Variants in NFIL3 observed in about 807,000 individuals in gnomAD.
NFIL3 encodes the protein nuclear factor, interleukin 3 regulated.
NFIL3 carries 5 observed loss-of-function variants against 10.0 expected under a neutral mutation model. The observed-to-expected ratio is 0.50, with a 90% CI of 0.26 to 1.06. NFIL3 has a LOEUF of 1.06. NFIL3 is among the 50% of genes least tolerant of loss of function. The probability of loss-of-function intolerance (pLI) is 0.13; values close to 1 mark genes in which losing one functional copy is unlikely to be tolerated. For synonymous variants in NFIL3, 202 were observed against 206.5 expected (o/e 0.98, Z 0.19); for missense variants, 436 against 547.6 (o/e 0.80, Z 2.03).
At chr9:91,467,951 G>A in the NFIL3 span, among the ~76,000 whole-genome samples, 1 of 152,098 alleles carries the variant, frequency 6.6e-6, no homozygotes, top group Non-Finnish European at 1.5e-5. Context: ...GGACATTTGG[G>A]TTGGTTCCAA....
the NFIL3 span, among the ~76,000 whole-genome samples, chr9:91,448,880 A>T: frequency 1.3e-5 from 2 of 152,134 alleles, no homozygotes. Flanking sequence ...ATGTCTTTCC[A>T]TTAATTTTGG....
rs372557239 is a variant in NFIL3, at chr9:91,409,343, A to T, written c.*3T>A. On this transcript the variant is annotated 3_prime_UTR_variant, in exon 2 of 2. Transcript: ENST00000297689. The stretch of plus-strand genomic sequence containing the variant: ...AAATGCCCAGCTCTTACTCAGTAGT[A>T]ATTTACCCAGAGTCTGAAGCAGAGA... The T allele has an allele frequency of 1.3e-6, 2 of 1,551,364 alleles. No individual in the cohort carries two copies. Among genetic ancestry groups the T allele is most frequent in the African/African-American group, 2.8e-5 (2 of 72,496 alleles).
intron 1 of NFIL3, among the ~76,000 whole-genome samples, chr9:91,421,321 C>G (rs913950752): frequency 4.0e-5 from 6 of 151,846 alleles, no homozygotes; most frequent in African/African-American, 1.4e-4. Flanking sequence ...CGGCCGGTCC[C>G]TAGCGCCCGG....
At chr9:91,452,270 A>G in the NFIL3 span, among the ~76,000 whole-genome samples, 1 of 152,230 alleles carries the variant, frequency 6.6e-6, no homozygotes, top group Non-Finnish European at 1.5e-5. Flanking sequence ...TTTAGTCTCC[A>G]CAACACCTGT....
intron 1 of NFIL3, among the ~76,000 whole-genome samples, chr9:91,414,742 A>G (rs181224007): frequency 7.2e-5 from 11 of 152,336 alleles, no homozygotes; most frequent in Non-Finnish European, 1.5e-4. Flanking sequence ...CAGTGTTGAA[A>G]AGAGTTTATC....
At chr9:91,420,388 CACAG>C (rs1833740417) in intron 1 of NFIL3, among the ~76,000 whole-genome samples, 1 of 148,174 alleles carries the variant, frequency 6.7e-6, no homozygotes, top group Non-Finnish European at 1.5e-5. Flanking sequence ...CACACACACA[CACAG>C]ATTCTGGTTC....
At chr9:91,483,045 C>T in the NFIL3 span, among the ~76,000 whole-genome samples, 2 of 152,306 alleles carry the variant, frequency 1.3e-5, no homozygotes, top group South Asian at 2.1e-4. Flanking sequence ...ACTTCCAGTT[C>T]CTGGTCTCTT....
At chr9:91,452,711 C>T in the NFIL3 span, among the ~76,000 whole-genome samples, 8 of 142,722 alleles carry the variant, frequency 5.6e-5, no homozygotes, top group East Asian at 2.2e-4. Flanking sequence ...CACTTGAACT[C>T]GGGAGGCGGA....
the NFIL3 span, among the ~76,000 whole-genome samples, chr9:91,432,543 G>A: frequency 6.6e-6 from 1 of 152,220 alleles, no homozygotes; most frequent in African/African-American, 2.4e-5. Flanking sequence ...CTCACGAAAA[G>A]TAGCAGAGAA....
chr9:91,457,748 T>C, the NFIL3 span, among the ~76,000 whole-genome samples: 2 of 152,216 alleles, frequency 1.3e-5, no homozygotes, highest in South Asian at 4.1e-4. Flanking sequence ...GAAATCTTTG[T>C]GTTGTTAATT....
the NFIL3 span, among the ~76,000 whole-genome samples, chr9:91,474,465 G>A: frequency 6.6e-6 from 1 of 152,248 alleles, no homozygotes; most frequent in East Asian, 1.9e-4. Flanking sequence ...TTCTGTTCCA[G>A]TATGTGGTGA....
At chr9:91,427,625 G>A (rs760372526), upstream of NFIL3, among the ~76,000 whole-genome samples, 5 of 106,572 alleles carry the variant, frequency 4.7e-5, no homozygotes, top group Admixed American at 4.8e-4. Flanking sequence ...CGTTTTTGTT[G>A]TTGTTGTTGT....
chr9:91,429,785 G>C, the NFIL3 span, among the ~76,000 whole-genome samples: 2 of 152,038 alleles, frequency 1.3e-5, no homozygotes, highest in African/African-American at 2.4e-5. Context: ...ATACTGGCAG[G>C]ATGATAAAAG....
chr9:91,457,187 C>T, the NFIL3 span, among the ~76,000 whole-genome samples: 2 of 151,528 alleles, frequency 1.3e-5, no homozygotes, highest in Non-Finnish European at 3.0e-5. Context: ...TTTAAAAGTT[C>T]TCTTGGTGTT....
At chr9:91,454,690 CT>C in the NFIL3 span, among the ~76,000 whole-genome samples, 1 of 151,886 alleles carries the variant, frequency 6.6e-6, no homozygotes, top group South Asian at 2.1e-4. Flanking sequence ...AAATTAGCAG[CT>C]TGTGGTGGCA....
the NFIL3 span, among the ~76,000 whole-genome samples, chr9:91,473,339 C>CGTT: frequency 6.6e-5 from 10 of 152,212 alleles, no homozygotes; most frequent in African/African-American, 2.4e-4. Context: ...AGGCAGTCCT[C>CGTT]GTTGAGCTGT....
At chr9:91,464,464 T>C in the NFIL3 span, among the ~76,000 whole-genome samples, 32 of 152,268 alleles carry the variant, frequency 2.1e-4, no homozygotes, top group Admixed American at 1.8e-3. Context: ...CTTGTGACAT[T>C]GCTGTCATTC....
chr9:91,448,060 C>A, the NFIL3 span, among the ~76,000 whole-genome samples: 1 of 152,124 alleles, frequency 6.6e-6, no homozygotes, highest in South Asian at 2.1e-4. Flanking sequence ...TCTTTTGAAC[C>A]ACCTATTAAA....
At chr9:91,453,353 T>C in the NFIL3 span, among the ~76,000 whole-genome samples, 5 of 152,158 alleles carry the variant, frequency 3.3e-5, no homozygotes, top group South Asian at 2.1e-4. Flanking sequence ...GACTCCAACA[T>C]AGAAATTTTT....
Sources: allele counts gnomAD v4.1 joint callset (sites outside exome capture counted in the v4.1 genomes callset), GRCh38; gene constraint gnomAD v4.1.1; transcripts MANE v1.5; gene names NCBI Gene and HGNC (gene_info 2026-07-23, HGNC 2026-07-21).